The following TLK1 variants were observed in gnomAD, a reference collection of about 807,000 sequenced individuals.
TLK1 encodes the protein serine/threonine-protein kinase tousled-like 1.
TLK1 carries 24 observed loss-of-function variants against 105.3 expected under a neutral mutation model. The ratio of observed to expected loss-of-function variants is 0.23; its 90% CI spans 0.17 to 0.32. The LOEUF (loss-of-function observed/expected upper bound fraction) is 0.32, where lower values mean the gene tolerates loss of function less well. Among genes scored for constraint, TLK1 ranks in the 10% least tolerant of loss-of-function variants. TLK1 has a pLI of 1.00. For synonymous variants in TLK1, 321 were observed against 310.4 expected, an observed-to-expected ratio of 1.03 and a Z score of -0.36; for missense variants, 558 against 910.5, an observed-to-expected ratio of 0.61 and a Z score of 4.98.
At chr2:171,193,019 A>G (rs896819996) in intron 1 of TLK1, among the ~76,000 whole-genome samples, 5 of 152,270 alleles carry the variant, frequency 3.3e-5, no homozygotes, top group African/African-American at 7.2e-5. Context: ...TTAAATGATT[A>G]TGGTGTAAAA....
chr2:170,997,606 A>G (rs1684127111), intron 19 of TLK1, 106 bp downstream of exon 19: 2 of 569,318 alleles, frequency 3.5e-6, no homozygotes, highest in East Asian at 5.8e-5. Flanking sequence ...GGCTTTCTTT[A>G]GAAGGATCTA....
At chr2:171,046,809 TAAAAC>T (rs1274674960) in intron 10 of TLK1, among the ~76,000 whole-genome samples, 1 of 152,164 alleles carries the variant, frequency 6.6e-6, no homozygotes, top group East Asian at 1.9e-4. Flanking sequence ...TGAAATGAGA[TAAAAC>T]AATACCCCAA....
intron 1 of TLK1, among the ~76,000 whole-genome samples, chr2:171,157,699 G>C (rs928031374): frequency 1.3e-5 from 2 of 152,122 alleles, no homozygotes; most frequent in African/African-American, 4.8e-5. Context: ...GGTTTCAAAT[G>C]TCAAAACTTC....
At chr2:171,198,883 A>G (rs575671718) in intron 1 of TLK1, among the ~76,000 whole-genome samples, 17 of 152,312 alleles carry the variant, frequency 1.1e-4, no homozygotes, top group African/African-American at 4.1e-4. Context: ...TATTTCCCAT[A>G]TAAGTACTTT....
At chr2:171,034,153 A>G (rs1686200094) in intron 11 of TLK1, among the ~76,000 whole-genome samples, 1 of 152,204 alleles carries the variant, frequency 6.6e-6, no homozygotes, top group Non-Finnish European at 1.5e-5. Flanking sequence ...AAATAGGGAT[A>G]ATTGTCATGC....
At chr2:171,010,060 A>G (rs895749836) in intron 14 of TLK1, among the ~76,000 whole-genome samples, 5 of 152,226 alleles carry the variant, frequency 3.3e-5, no homozygotes, top group African/African-American at 1.2e-4. Context: ...CTCTAGTTGC[A>G]GTGTACAAAA....
intron 8 of TLK1, among the ~76,000 whole-genome samples, chr2:171,051,282 C>G (rs1278865629): frequency 6.6e-6 from 1 of 152,096 alleles, no homozygotes; most frequent in Non-Finnish European, 1.5e-5. Flanking sequence ...TATGATCACC[C>G]AAGCCTCCTC....
At chr2:171,135,124 C>T (rs953153740) in intron 1 of TLK1, among the ~76,000 whole-genome samples, 3 of 151,864 alleles carry the variant, frequency 2.0e-5, no homozygotes. Flanking sequence ...TTGAGTTAGA[C>T]AGAAAAAATA....
intron 5 of TLK1, 69 bp from the exon 6 acceptor site, chr2:171,056,635 A>G (rs796492179): frequency 1.6e-6 from 2 of 1,264,362 alleles, no homozygotes; most frequent in Non-Finnish European, 2.3e-6. Flanking sequence ...CAGATATGAC[A>G]TTAAGAATTA....
At chr2:171,190,979 T>C (rs1008260363) in intron 1 of TLK1, among the ~76,000 whole-genome samples, 5 of 151,570 alleles carry the variant, frequency 3.3e-5, no homozygotes, top group African/African-American at 1.2e-4. Flanking sequence ...CTGGCCAATA[T>C]GGTGAAACCC....
intron 18 of TLK1, among the ~76,000 whole-genome samples, chr2:170,998,034 CTCTATCTATCTTTATCTATCTA>C (rs1284690494): frequency 1.3e-5 from 2 of 150,044 alleles, no homozygotes; most frequent in African/African-American, 4.9e-5. Context: ...TAAAGTTCAT[CTCTATCTATCTTTATCTATCTA>C]TCTATCTATC....
At chr2:171,087,013 G>A (rs1480647435) in intron 2 of TLK1, among the ~76,000 whole-genome samples, 1 of 152,138 alleles carries the variant, frequency 6.6e-6, no homozygotes, top group Admixed American at 6.6e-5. Context: ...TCTGCAGGGA[G>A]ACATAGCTTA....
At position 170,999,520 on chromosome 2, in the gene TLK1, G is replaced by A. The variant is rs573032416; in HGVS notation, c.1905-1697C>T. Among the ~76,000 whole-genome samples the A allele has an allele frequency of 1.3e-4, 20 of 152,298 alleles. No individual in the cohort carries two copies. The East Asian group carries it at 3.5e-3, about 26-fold the overall frequency. The stretch of plus-strand genomic sequence containing the variant: ...AAGGAGAGCAACCACAGAAATTGAC[G>A]TCAAAGTAACTTGGGAAAAGATGTC... On this transcript the variant is annotated intron_variant, in intron 18 of 20. Coordinates refer to ENST00000431350, the MANE Select transcript of TLK1 (RefSeq NM_012290.5).
At chr2:171,062,001 C>CA (rs745757647) in intron 3 of TLK1, among the ~76,000 whole-genome samples, 1 of 152,034 alleles carries the variant, frequency 6.6e-6, no homozygotes, top group South Asian at 2.1e-4. Flanking sequence ...TGGCTTTTTA[C>CA]AAAAAAAGTT....
rs374313103 is a variant in TLK1 at position 171,160,460 on chromosome 2, C to G, written c.-32G>C. The G allele has an allele frequency of 1.9e-6, 3 of 1,583,094 alleles. No individual in the cohort carries two copies. The highest frequency in any genetic ancestry group is 2.6e-6 in the Non-Finnish European group (3 of 1,167,912). ...ACTTTCTGGGAACCCGACTCCCCCC[C>G]TGCGACGGCAGCGGCGGCAACGGCA... On this transcript the variant is annotated 5_prime_UTR_variant, in exon 1 of 21. Transcript: ENST00000431350. This position sits in a 1 kb window ranked among gnomAD's most constrained non-coding sequence, Gnocchi z 4.4.
chr2:171,184,696 T>TA (rs956107554), intron 1 of TLK1, among the ~76,000 whole-genome samples: 2 of 151,580 alleles, frequency 1.3e-5, no homozygotes, highest in African/African-American at 2.4e-5. Flanking sequence ...CCAACATCTC[T>TA]AAAAAAAATT....
chr2:171,024,351 T>C (rs1685674842), intron 12 of TLK1, among the ~76,000 whole-genome samples: 1 of 152,124 alleles, frequency 6.6e-6, no homozygotes, highest in African/African-American at 2.4e-5. Context: ...TAAAGAAATA[T>C]TGTAGTTGAT....
intron 3 of TLK1, among the ~76,000 whole-genome samples, chr2:171,080,968 C>A (rs1688725377): frequency 6.6e-6 from 1 of 152,148 alleles, no homozygotes; most frequent in Admixed American, 6.5e-5. Context: ...GGCCTCCCAA[C>A]ATGCTGGGAT....
upstream of TLK1, among the ~76,000 whole-genome samples, chr2:171,161,376 G>C (rs1028885147): frequency 6.6e-6 from 1 of 152,174 alleles, no homozygotes; most frequent in African/African-American, 2.4e-5. Context: ...CTGAAAAGTT[G>C]AGAGTTCCTT....
Sources: gnomAD v4.1 joint callset for allele counts (sites outside exome capture counted in the v4.1 genomes callset) on GRCh38, gnomAD v4.1.1 for gene constraint, Gnocchi (gnomAD v3.1) non-coding constraint, MANE v1.5 for transcripts, NCBI Gene and HGNC (gene_info 2026-07-23, HGNC 2026-07-21) for gene names.